The following CERS6 variants were observed in gnomAD, a reference collection of about 807,000 sequenced individuals.
CERS6 encodes LAG1 homolog, ceramide synthase 6.
Under a neutral mutation model 56.8 loss-of-function variants are expected in CERS6, and 26 were observed. The ratio of observed to expected loss-of-function variants is 0.46; its 90% CI spans 0.34 to 0.63. The LOEUF (loss-of-function observed/expected upper bound fraction) is 0.63, where lower values mean the gene tolerates loss of function less well. CERS6 is among the 30% of genes least tolerant of loss of function. The pLI, the probability that CERS6 is intolerant of heterozygous loss-of-function variation, is 0.01. For synonymous variants in CERS6, 164 were observed against 173.3 expected, an observed-to-expected ratio of 0.95 and a Z score of 0.42; for missense variants, 415 against 467.5, an observed-to-expected ratio of 0.89 and a Z score of 1.04.
In CERS6 at chr2:168,770,412, G is replaced by A. The variant is rs191091985; in HGVS notation, c.*750G>A. The A allele has an allele frequency of 2.6e-5, 4 of 152,268 alleles. No individual in the cohort carries two copies. The highest frequency in any genetic ancestry group is 3.2e-3 in the Middle Eastern group (1 of 316). 9.4% of individuals were successfully genotyped at this position (152,268 alleles called of 1,614,324 possible). On this transcript the variant is annotated 3_prime_UTR_variant, in exon 10 of 10. Coordinates refer to ENST00000305747, the MANE Select transcript of CERS6 (RefSeq NM_203463.3). ...TTTGTTTGTTTGTTTGTTTTTCTCT[G>A]TGATGAGGTCAGTGCTCTGATTTTG...
chr2:168,609,558 G>T (rs1279155263), intron 3 of CERS6, among the ~76,000 whole-genome samples: 4 of 152,112 alleles, frequency 2.6e-5, no homozygotes, highest in Non-Finnish European at 5.9e-5. Context: ...CAGCTCCTAT[G>T]TCCATGAGCT....
chr2:168,605,996 G>T (rs548914118), intron 3 of CERS6, among the ~76,000 whole-genome samples: 1 of 152,330 alleles, frequency 6.6e-6, no homozygotes, highest in Admixed American at 6.5e-5. Flanking sequence ...TAGCATTACT[G>T]TGAGAAGAGG....
At chr2:168,558,050 A>T (rs1216052993) in intron 2 of CERS6, among the ~76,000 whole-genome samples, 1 of 152,236 alleles carries the variant, frequency 6.6e-6, no homozygotes, top group East Asian at 1.9e-4. Context: ...TGCTTCTCTC[A>T]TAAAAAGGAA....
At chr2:168,568,522 C>T (rs1695923380) in intron 3 of CERS6, among the ~76,000 whole-genome samples, 1 of 152,204 alleles carries the variant, frequency 6.6e-6, no homozygotes, top group Non-Finnish European at 1.5e-5. Flanking sequence ...GGGGGAAAGA[C>T]TTCAAAGCAT....
chr2:168,459,600 C>T (rs780618496), intron 1 of CERS6, among the ~76,000 whole-genome samples: 9 of 151,468 alleles, frequency 5.9e-5, no homozygotes, highest in Non-Finnish European at 1.3e-4. Context: ...ACCACTGTAG[C>T]GACCAATTGA....
At chr2:168,505,382 C>CAAAAAAAAAAAAAAA (rs370477008) in intron 1 of CERS6, among the ~76,000 whole-genome samples, 2 of 96,370 alleles carry the variant, frequency 2.1e-5, no homozygotes, top group African/African-American at 4.0e-5. Context: ...ACCCTGTTTC[C>CAAAAAAAAAAAAAAA]AAAAAAAAAA....
At position 168,520,200 on chromosome 2, in the gene CERS6, CAT is replaced by C. The variant is rs1489857439; in HGVS notation, c.171-27393_171-27392del. Among the ~76,000 whole-genome samples, 21 of 152,212 alleles carry C rather than the reference CAT, an allele frequency of 1.4e-4. 1 individual carries two copies. Among genetic ancestry groups the C allele is most frequent in the Admixed American group, 1.3e-3 (20 of 15,276 alleles). The stretch of plus-strand genomic sequence containing the variant: ...ATGATTAGTGATGTTGAACATTTTT[CAT>C]ATGTTTGTTGTTGCTCATTTGTATG... On this transcript the variant is annotated intron_variant, in intron 1 of 9. Coordinates refer to ENST00000305747, the MANE Select transcript of CERS6 (RefSeq NM_203463.3).
intron 3 of CERS6, among the ~76,000 whole-genome samples, chr2:168,623,085 A>C (rs1181671401): frequency 6.6e-6 from 1 of 152,194 alleles, no homozygotes; most frequent in Non-Finnish European, 1.5e-5. Context: ...GTGTCTCAGT[A>C]ACAGCTCGAA....
At chr2:168,659,934 G>T (rs1331261923) in intron 4 of CERS6, among the ~76,000 whole-genome samples, 1 of 152,090 alleles carries the variant, frequency 6.6e-6, no homozygotes, top group East Asian at 1.9e-4. Flanking sequence ...GCACTATGAT[G>T]CAAAATCAAG....
intron 1 of CERS6, among the ~76,000 whole-genome samples, chr2:168,484,811 A>G (rs2105335231): frequency 6.6e-6 from 1 of 152,242 alleles, no homozygotes; most frequent in East Asian, 1.9e-4. Context: ...CAGCCTTGTG[A>G]ATACTCATTG....
intron 3 of CERS6, among the ~76,000 whole-genome samples, chr2:168,590,772 A>G (rs956481739): frequency 2.6e-5 from 4 of 152,214 alleles, no homozygotes; most frequent in Non-Finnish European, 4.4e-5. Context: ...GATCTTTACA[A>G]TGCCCATCTG....
intron 1 of CERS6, among the ~76,000 whole-genome samples, chr2:168,503,500 A>G (rs906399463): frequency 1.7e-4 from 26 of 152,296 alleles, no homozygotes; most frequent in Admixed American, 1.7e-3. Flanking sequence ...AGAGGTGAGA[A>G]TGTGGAATAC....
chr2:168,570,300 G>A (rs1413362510), intron 3 of CERS6, among the ~76,000 whole-genome samples: 1 of 152,226 alleles, frequency 6.6e-6, no homozygotes, highest in Admixed American at 6.5e-5. Context: ...TTGCTACTGT[G>A]TAGCGATGTG....
intron 4 of CERS6, among the ~76,000 whole-genome samples, chr2:168,637,513 A>T (rs575106464): frequency 1.1e-3 from 166 of 152,248 alleles, no homozygotes; most frequent in African/African-American, 3.8e-3. Flanking sequence ...CAGGAACACT[A>T]AATATGGATG....
chr2:168,658,686 GTAT>G (rs1414109765), intron 4 of CERS6, among the ~76,000 whole-genome samples: 1 of 152,206 alleles, frequency 6.6e-6, no homozygotes, highest in African/African-American at 2.4e-5. Flanking sequence ...ATTTGTATAT[GTAT>G]TATTCATTTA....
chr2:168,701,915 A>G (rs1686814406), intron 6 of CERS6, among the ~76,000 whole-genome samples: 1 of 152,176 alleles, frequency 6.6e-6, no homozygotes, highest in Non-Finnish European at 1.5e-5. Context: ...ATCCTCCCAT[A>G]TACTTTAAAT....
At chr2:168,742,001 G>T (rs1398169694) in intron 8 of CERS6, among the ~76,000 whole-genome samples, 2 of 152,204 alleles carry the variant, frequency 1.3e-5, no homozygotes, top group Non-Finnish European at 2.9e-5. Context: ...GAGTATTCAG[G>T]GGAAAAGATT....
At position 168,752,324 on chromosome 2, in the gene CERS6, G is replaced by GT. The variant is rs1559080876; in HGVS notation, c.846-13268_846-13267insT. On this transcript the variant is annotated intron_variant, in intron 8 of 9. Coordinates refer to ENST00000305747, the MANE Select transcript of CERS6 (RefSeq NM_203463.3). The stretch of plus-strand genomic sequence containing the variant: ...GTGTGTGTGTGTGTGTGTGTATAGA[G>GT]AGAGAGAGAGAGAGGCTAAGTTTGA... Among the ~76,000 whole-genome samples, 135 of 106,874 alleles carry GT rather than the reference G, an allele frequency of 1.3e-3. 2 individuals are homozygous for GT. The highest frequency in any genetic ancestry group is 4.8e-3 in the Middle Eastern group (1 of 208). 70.1% of individuals were successfully genotyped at this position (106,874 alleles called of 152,430 possible). A position where few individuals can be genotyped will look rare whatever the true frequency, so the allele number is the denominator to read the frequency against.
intron 1 of CERS6, among the ~76,000 whole-genome samples, chr2:168,531,295 G>T (rs1210601427): frequency 2.6e-5 from 4 of 152,146 alleles, no homozygotes; most frequent in Non-Finnish European, 5.9e-5. Flanking sequence ...AGGACACTTA[G>T]GGAAGATTAA....
Sources: gnomAD v4.1 joint callset for allele counts (sites outside exome capture counted in the v4.1 genomes callset) on GRCh38, gnomAD v4.1.1 for gene constraint, MANE v1.5 for transcripts, NCBI Gene and HGNC (gene_info 2026-07-23, HGNC 2026-07-21) for gene names.